NEDD4L: variants seen among roughly 807,000 people sequenced by gnomAD.
The protein encoded by NEDD4L is E3 ubiquitin-protein ligase NEDD4-like.
NEDD4L carries 54 observed loss-of-function variants against 148.9 expected under a neutral mutation model. The ratio of observed to expected loss-of-function variants is 0.36; its 90% confidence interval spans 0.29 to 0.45. NEDD4L has a LOEUF of 0.45. Among genes scored for constraint, NEDD4L ranks in the 20% least tolerant of loss-of-function variants. The pLI is 1.00. For missense variants in NEDD4L, 856 were observed against 1,233.8 expected (o/e 0.69, Z 4.59); for synonymous variants, 433 against 440.7 (o/e 0.98, Z 0.22).
intron 2 of NEDD4L, among the ~76,000 whole-genome samples, chr18:58,198,316 A>C (rs2040973645): frequency 6.6e-6 from 1 of 152,120 alleles, no homozygotes; most frequent in African/African-American, 2.4e-5. Context: ...AGAACTGGGG[A>C]TTATTGGCTT....
chr18:58,256,062 G>A lies in NEDD4L; in HGVS notation c.297+4008G>A. 1 of 1,229,044 alleles carries A rather than the reference G, an allele frequency of 8.1e-7. No homozygotes were observed. The highest frequency in any genetic ancestry group is 1.6e-5 in the African/African-American group (1 of 64,368). 76.1% of individuals were successfully genotyped at this position (1,229,044 alleles called of 1,614,324 possible). On this transcript the variant is annotated intron_variant, in intron 5 of 30. Coordinates refer to ENST00000400345, the MANE Select transcript of NEDD4L (RefSeq NM_001144967.3). This position sits in a 1 kb window ranked among gnomAD's most constrained non-coding sequence, Gnocchi z 5.2. ...ACCACGAGGGCCTCGCCCCAGAGTG[G>A]CTCCCGGGAGCCCTCGCCGAGGGAC...
intron 1 of NEDD4L, among the ~76,000 whole-genome samples, chr18:58,145,055 G>T (rs2033956201): frequency 6.6e-6 from 1 of 152,170 alleles, no homozygotes; most frequent in South Asian, 2.1e-4. Flanking sequence ...CCTGAGCCCA[G>T]GAGCCAAGAG....
At chr18:58,339,345 G>A (rs1359204375) in intron 13 of NEDD4L, among the ~76,000 whole-genome samples, 1 of 152,184 alleles carries the variant, frequency 6.6e-6, no homozygotes, top group East Asian at 1.9e-4. Flanking sequence ...GCTCAGCAGG[G>A]GAGTCCATTG....
intron 16 of NEDD4L, among the ~76,000 whole-genome samples, chr18:58,348,326 C>CTTTTTTTTCTTTTTTTTTT (rs2043371626): frequency 4.5e-5 from 4 of 88,646 alleles, no homozygotes; most frequent in African/African-American, 2.2e-4. Context: ...TCTTTTTTTT[C>CTTTTTTTTCTTTTTTTTTT]TTTTTTTTTT....
At chr18:58,121,590 G>T (rs1036538030) in intron 1 of NEDD4L, among the ~76,000 whole-genome samples, 5 of 151,944 alleles carry the variant, frequency 3.3e-5, no homozygotes, top group Non-Finnish European at 7.4e-5. Flanking sequence ...AATTTTTTTT[G>T]TAGAGATGAG....
chr18:58,219,044 T>G (rs1016183528), intron 2 of NEDD4L, among the ~76,000 whole-genome samples: 2 of 152,214 alleles, frequency 1.3e-5, no homozygotes, highest in African/African-American at 4.8e-5. Context: ...GAACTAAGAC[T>G]TCCAGCATTC....
In NEDD4L at chr18:58,348,326, C is replaced by CTTTTTTTTTT. The variant is rs771263533; in HGVS notation, c.1576-1197_1576-1188dup. ...CACTGCATTTCTTTTTCTTTTTTTT[C>CTTTTTTTTTT]TTTTTTTTTTTTTTTTTTTTTTTGA... On this transcript the variant is annotated intron_variant, in intron 16 of 30. Coordinates refer to ENST00000400345, the MANE Select transcript of NEDD4L (RefSeq NM_001144967.3). Among the ~76,000 whole-genome samples the CTTTTTTTTTT allele has an allele frequency of 6.1e-3, 537 of 88,604 alleles. 19 individuals are homozygous for CTTTTTTTTTT. The highest frequency in any genetic ancestry group is 8.4e-3 in the East Asian group (27 of 3,218). The allele number at this position is 88,604 out of a possible 152,430, so 58.1% of individuals were successfully genotyped here.
intron 5 of NEDD4L, among the ~76,000 whole-genome samples, chr18:58,288,927 C>G (rs1369940896): frequency 6.6e-6 from 1 of 152,114 alleles, no homozygotes; most frequent in African/African-American, 2.4e-5. Flanking sequence ...CACCACACAC[C>G]CAGAGGCATA....
At chr18:58,123,229 T>C (rs1201462057) in intron 1 of NEDD4L, among the ~76,000 whole-genome samples, 1 of 152,200 alleles carries the variant, frequency 6.6e-6, no homozygotes, top group Non-Finnish European at 1.5e-5. Context: ...CAACCTGGCC[T>C]GTCCATTCTT....
intron 1 of NEDD4L, among the ~76,000 whole-genome samples, chr18:58,107,457 C>T (rs137879151): frequency 6.6e-6 from 1 of 152,252 alleles, no homozygotes; most frequent in East Asian, 1.9e-4. Flanking sequence ...GTGGCTGATT[C>T]CTGTAATCCC....
chr18:58,197,946 A>C (rs962052981), intron 2 of NEDD4L: 1 of 152,208 alleles, frequency 6.6e-6, no homozygotes, highest in Non-Finnish European at 1.5e-5. Flanking sequence ...TGGGGGTGGC[A>C]GCGGCTGATC....
At chr18:58,113,750 C>T (rs562813767) in intron 1 of NEDD4L, among the ~76,000 whole-genome samples, 17 of 148,274 alleles carry the variant, frequency 1.1e-4, no homozygotes, top group Non-Finnish European at 2.0e-4. Flanking sequence ...GAGGCATTAT[C>T]CAAGTTAAAG....
At chr18:58,273,887 C>T (rs1015117418) in intron 5 of NEDD4L, among the ~76,000 whole-genome samples, 4 of 152,176 alleles carry the variant, frequency 2.6e-5, no homozygotes, top group East Asian at 3.8e-4. Context: ...GAAAATGATG[C>T]GACAGAGCAA....
intron 1 of NEDD4L, among the ~76,000 whole-genome samples, chr18:58,100,484 C>T (rs897611628): frequency 5.9e-5 from 9 of 152,168 alleles, no homozygotes; most frequent in Admixed American, 4.6e-4. Context: ...GCCTTTTGAA[C>T]GCCAAGACCT....
At chr18:58,384,602 G>A (rs1159738518) in intron 25 of NEDD4L, among the ~76,000 whole-genome samples, 2 of 152,180 alleles carry the variant, frequency 1.3e-5, no homozygotes, top group African/African-American at 2.4e-5. Flanking sequence ...GGGTTCAAAC[G>A]TGGTGGGAGT....
At chr18:58,121,472 G>A (rs957881574) in intron 1 of NEDD4L, among the ~76,000 whole-genome samples, 28 of 151,700 alleles carry the variant, frequency 1.8e-4, no homozygotes, top group Non-Finnish European at 3.4e-4. Context: ...CCAGGCTGGA[G>A]CAGTGGTGTG....
At chr18:58,356,076 C>T (rs2044599548) in intron 18 of NEDD4L, among the ~76,000 whole-genome samples, 1 of 152,058 alleles carries the variant, frequency 6.6e-6, no homozygotes, top group African/African-American at 2.4e-5. Context: ...CCTCAGCCTC[C>T]CAAGTAGCTA....
intron 6 of NEDD4L, among the ~76,000 whole-genome samples, chr18:58,318,139 A>T (rs907973984): frequency 6.6e-6 from 1 of 152,116 alleles, no homozygotes; most frequent in Non-Finnish European, 1.5e-5. Flanking sequence ...GGGCGGGAGC[A>T]TATGCGTGTA....
At chr18:58,075,607 A>G (rs1206564140) in intron 1 of NEDD4L, among the ~76,000 whole-genome samples, 1 of 152,146 alleles carries the variant, frequency 6.6e-6, no homozygotes. Context: ...GAGCCACTGC[A>G]TCTAGCTGGG....
Sources: allele counts gnomAD v4.1 joint callset (sites outside exome capture counted in the v4.1 genomes callset), GRCh38; gene constraint gnomAD v4.1.1; non-coding constraint Gnocchi (gnomAD v3.1); transcripts MANE v1.5; gene names NCBI Gene and HGNC (gene_info 2026-07-23, HGNC 2026-07-21).